Variants in SEMA3D observed in about 807,000 individuals in gnomAD.
The protein encoded by SEMA3D is semaphorin-3D.
Under a neutral mutation model 100.1 loss-of-function variants are expected in SEMA3D, and 84 were observed. The observed-to-expected ratio is 0.84, with a 90% CI of 0.70 to 1.01. SEMA3D has a LOEUF of 1.01. Among genes scored for constraint, SEMA3D ranks in the 50% least tolerant of loss-of-function variants. The pLI is 0.00. For missense variants in SEMA3D, 875 were observed against 934.1 expected, an observed-to-expected ratio of 0.94 and a Z score of 0.82; for synonymous variants, 312 against 320.7, an observed-to-expected ratio of 0.97 and a Z score of 0.29.
chr7:85,238,021 A>G, the SEMA3D span, among the ~76,000 whole-genome samples: 2 of 152,202 alleles, frequency 1.3e-5, no homozygotes, highest in African/African-American at 4.8e-5. Flanking sequence ...ATTGCATACA[A>G]TGTTGAACAT....
At chr7:85,205,674 T>C in the SEMA3D span, among the ~76,000 whole-genome samples, 1 of 152,100 alleles carries the variant, frequency 6.6e-6, no homozygotes, top group African/African-American at 2.4e-5. Context: ...GACCTAGTGC[T>C]TATGTAGCCT....
At chr7:85,058,643 G>A (rs1562800522) in intron 8 of SEMA3D, among the ~76,000 whole-genome samples, 1 of 151,426 alleles carries the variant, frequency 6.6e-6, no homozygotes. Context: ...AGCTACTCGG[G>A]AGGCTGAGGC....
At chr7:85,113,853 C>T (rs1055109915) in intron 3 of SEMA3D, among the ~76,000 whole-genome samples, 14 of 152,200 alleles carry the variant, frequency 9.2e-5, no homozygotes, top group African/African-American at 3.4e-4. Context: ...TAGCTAACTA[C>T]TACCAGAGAT....
chr7:85,039,193 T>C (rs1015924235), intron 11 of SEMA3D, among the ~76,000 whole-genome samples: 1 of 152,174 alleles, frequency 6.6e-6, no homozygotes, highest in Non-Finnish European at 1.5e-5. Flanking sequence ...AAATTTAAGT[T>C]ACTGAATATT....
At chr7:85,162,557 C>G (rs1466164007) in intron 1 of SEMA3D, among the ~76,000 whole-genome samples, 1 of 151,838 alleles carries the variant, frequency 6.6e-6, no homozygotes, top group Non-Finnish European at 1.5e-5. Flanking sequence ...GCAACTCATG[C>G]CACAGTGAAA....
At chr7:85,181,250 C>T (rs1015364863) in intron 1 of SEMA3D, among the ~76,000 whole-genome samples, 1 of 151,750 alleles carries the variant, frequency 6.6e-6, no homozygotes, top group South Asian at 2.1e-4. Context: ...GGAGAAATGG[C>T]TCATTCCAGG....
Position 85,126,404 on chromosome 7 carries a change from CGTGTGT to C in SEMA3D, c.-40-4479_-40-4474del, listed in dbSNP as rs374819280. Among the ~76,000 whole-genome samples, 794 of 134,006 alleles carry C rather than the reference CGTGTGT, an allele frequency of 5.9e-3. 7 individuals carry two copies. Among genetic ancestry groups the C allele is most frequent in the South Asian group, 0.025 (99 of 4,036 alleles). The allele number at this position is 134,006 out of a possible 152,430, so 87.9% of individuals were successfully genotyped here. The stretch of plus-strand genomic sequence containing the variant: ...TGTGTGTGTGTGTGTGTGTGTGTGT[CGTGTGT>C]GTGTGTGTGTGTGTGTGTGTGTGTG... On this transcript the variant is annotated intron_variant, in intron 2 of 18. Coordinates refer to ENST00000284136, the MANE Select transcript of SEMA3D (RefSeq NM_001384900.1).
At chr7:85,094,908 T>C (rs563610428) in intron 4 of SEMA3D, among the ~76,000 whole-genome samples, 1 of 152,050 alleles carries the variant, frequency 6.6e-6, no homozygotes, top group South Asian at 2.1e-4. Context: ...TCTAAGTCCC[T>C]ATAGAAATAG....
intron 2 of SEMA3D, among the ~76,000 whole-genome samples, chr7:85,130,115 A>T (rs1789682846): frequency 6.6e-6 from 1 of 152,174 alleles, no homozygotes; most frequent in Non-Finnish European, 1.5e-5. Flanking sequence ...GCATAACGCT[A>T]TCTGGGAACA....
chr7:85,154,985 A>G (rs1340693525), intron 1 of SEMA3D, among the ~76,000 whole-genome samples: 2 of 152,166 alleles, frequency 1.3e-5, no homozygotes, highest in African/African-American at 4.8e-5. Flanking sequence ...TATTACTGTC[A>G]TCTCCACAGT....
intron 11 of SEMA3D, among the ~76,000 whole-genome samples, chr7:85,039,887 T>G (rs1790806244): frequency 6.6e-6 from 1 of 152,026 alleles, no homozygotes; most frequent in Admixed American, 6.6e-5. Context: ...ACTTAACCAT[T>G]TATCCACGTA....
the SEMA3D span, among the ~76,000 whole-genome samples, chr7:85,228,638 T>A: frequency 2.6e-5 from 4 of 152,104 alleles, no homozygotes; most frequent in Admixed American, 6.5e-5. Flanking sequence ...TTTCTGTATT[T>A]TTTTTAACAA....
At chr7:85,089,238 T>C (rs1276456550) in intron 4 of SEMA3D, among the ~76,000 whole-genome samples, 1 of 152,166 alleles carries the variant, frequency 6.6e-6, no homozygotes, top group East Asian at 1.9e-4. Flanking sequence ...TGCCAGCTAA[T>C]GCTGCTCTTT....
intron 2 of SEMA3D, chr7:85,142,263 A>T (rs2116464529): frequency 1.0e-6 from 1 of 981,958 alleles, no homozygotes; most frequent in Middle Eastern, 5.2e-4. Context: ...TTTTTGAACC[A>T]ACAATATCTA....
At chr7:85,035,344 C>CAT (rs1168411918) in intron 12 of SEMA3D, among the ~76,000 whole-genome samples, 3 of 151,236 alleles carry the variant, frequency 2.0e-5, no homozygotes, top group Non-Finnish European at 4.4e-5. Context: ...ATATAGATAT[C>CAT]ATATATATGG....
intron 18 of SEMA3D, among the ~76,000 whole-genome samples, chr7:85,003,485 T>C (rs897661525): frequency 6.6e-6 from 1 of 151,106 alleles, no homozygotes. Flanking sequence ...GGGGAAGGAG[T>C]CTTTAAGCAT....
At chr7:85,123,200 T>A (rs1271474914) in intron 2 of SEMA3D, among the ~76,000 whole-genome samples, 2 of 152,070 alleles carry the variant, frequency 1.3e-5, no homozygotes, top group East Asian at 3.9e-4. Context: ...AGTCTTCCAG[T>A]GCTTTGCATT....
intron 11 of SEMA3D, among the ~76,000 whole-genome samples, chr7:85,037,371 G>A (rs1790730110): frequency 6.6e-6 from 1 of 152,130 alleles, no homozygotes; most frequent in East Asian, 1.9e-4. Flanking sequence ...AACCCTGGAG[G>A]ATAAAGAGGA....
At chr7:85,178,084 T>C (rs937153101) in intron 1 of SEMA3D, among the ~76,000 whole-genome samples, 1 of 152,148 alleles carries the variant, frequency 6.6e-6, no homozygotes, top group Non-Finnish European at 1.5e-5. Flanking sequence ...GAAGGACAGG[T>C]TTGCTTCCCC....
Sources: allele counts gnomAD v4.1 joint callset (sites outside exome capture counted in the v4.1 genomes callset), GRCh38; gene constraint gnomAD v4.1.1; transcripts MANE v1.5; gene names NCBI Gene and HGNC (gene_info 2026-07-23, HGNC 2026-07-21).